Variants in SLC18A3 observed in about 807,000 individuals in gnomAD.
SLC18A3 encodes solute carrier family 18 member A3.
Under a neutral mutation model 24.2 loss-of-function variants are expected in SLC18A3, and 18 were observed. The ratio of observed to expected loss-of-function variants is 0.74; its 90% CI spans 0.51 to 1.10. The LOEUF (loss-of-function observed/expected upper bound fraction) is 1.10. Ranked by LOEUF, SLC18A3 falls within the 50% of genes least tolerant of loss-of-function variation. The probability of loss-of-function intolerance (pLI) is 0.00; values close to 1 mark genes in which losing one functional copy is unlikely to be tolerated. For missense variants in SLC18A3, 744 were observed against 750.7 expected, an observed-to-expected ratio of 0.99 and a Z score of 0.10; for synonymous variants, 415 against 355.4, an observed-to-expected ratio of 1.17 and a Z score of -1.89.
chr10:49,611,362 C>T lies in SLC18A3; in HGVS notation c.622C>T (p.Pro208Ser), dbSNP rs779469059. 1.2e-6 allele frequency: 2 copies of T among 1,600,420 alleles called. No homozygotes were observed. The highest frequency in any genetic ancestry group is 4.5e-5 in the East Asian group (2 of 44,848). Residue 208 changes from proline (P) to serine (S), a missense_variant, in exon 1 of 1, where the codon CCG becomes TCG. Pro to Ser is a moderately conservative substitution (Grantham distance 74). Transcript: ENST00000374115. Reference protein sequence around the residue: ...AMIADKYPEEPERSRALGVAL... With the variant: ...AMIADKYPEESERSRALGVAL... ...GATCGCCGATAAGTACCCGGAGGAG[C>T]CGGAGCGCAGTCGTGCACTGGGCGT...
Position 49,610,769 on chromosome 10 carries a change from C to A in SLC18A3, c.29C>A (p.Ala10Asp). The change falls in exon 1 of 1, where the codon GCC becomes GAC. Residue 10 changes from alanine (A) to aspartate (D), a missense_variant. Coordinates refer to ENST00000374115, the MANE Select transcript of SLC18A3 (RefSeq NM_003055.3). MESAEPAGQ[A>D]RAAATKLSEA... Reference sequence around the variant, plus strand: ...GAATCCGCGGAACCTGCGGGCCAGGCCCGGGCGGCGGCCACCAAGCTGTCG... The same window carrying A: ...GAATCCGCGGAACCTGCGGGCCAGGACCGGGCGGCGGCCACCAAGCTGTCG... The A allele has an allele frequency of 6.4e-7, 1 of 1,556,390 alleles. No homozygotes were observed. The highest frequency in any genetic ancestry group is 8.7e-7 in the Non-Finnish European group (1 of 1,152,978).
In SLC18A3 at chr10:49,611,776, G is replaced by C. The variant is rs1344037560; in HGVS notation, c.1036G>C (p.Val346Leu). The C allele has an allele frequency of 6.2e-7, 1 of 1,603,052 alleles. No individual in the cohort carries two copies. Among genetic ancestry groups the C allele is most frequent in the South Asian group, 1.1e-5 (1 of 91,056 alleles). ...TCATGTGCTGGGCGTCTACCTCACCGTGCGCCTGGCGGCGCGCTACCCACA... is the reference window on the plus strand; with the variant it reads ...TCATGTGCTGGGCGTCTACCTCACCCTGCGCCTGGCGGCGCGCTACCCACA... ...VPHVLGVYLT[V>L]RLAARYPHLQ... Residue 346 changes from valine (V) to leucine (L), a missense_variant, in exon 1 of 1, where the codon GTG becomes CTG. Coordinates refer to ENST00000374115, the MANE Select transcript of SLC18A3 (RefSeq NM_003055.3).
Position 49,612,572 on chromosome 10 carries a change from A to T in SLC18A3, c.*233A>T, listed in dbSNP as rs927488351. On this transcript the variant is annotated 3_prime_UTR_variant, in exon 1 of 1. Coordinates refer to ENST00000374115, the MANE Select transcript of SLC18A3 (RefSeq NM_003055.3). Reference sequence around the variant, plus strand: ...AGCGAAGCCATCGCGCTCCTTGCGGAGGTGAAGAGGACCCTGAGTCCCCAC... The same window carrying T: ...AGCGAAGCCATCGCGCTCCTTGCGGTGGTGAAGAGGACCCTGAGTCCCCAC... 1.9e-6 allele frequency: 1 copy of T among 532,018 alleles called. No homozygotes were observed. Among genetic ancestry groups the T allele is most frequent in the Admixed American group, 3.7e-5 (1 of 27,364 alleles). 33.0% of individuals were successfully genotyped at this position (532,018 alleles called of 1,614,324 possible). A position where few individuals can be genotyped will look rare whatever the true frequency, so the allele number is the denominator to read the frequency against.
At position 49,610,944 on chromosome 10, in the gene SLC18A3, C is replaced by A. The variant is rs1412477833; in HGVS notation, c.204C>A (p.Gly68=). ...ACATCGCCCACATGCGCGGGGGCGG[C>A]GAGGGCCCCACCCGGACTCCCGAGG... ...PDYIAHMRGG[G]EGPTRTPEVW... is the part of the protein sequence containing the mutation. Residue 68 remains glycine, a synonymous_variant, in exon 1 of 1, where the codon GGC becomes GGA. Coordinates refer to ENST00000374115, the MANE Select transcript of SLC18A3 (RefSeq NM_003055.3). 1 of 1,610,366 alleles carries A rather than the reference C, an allele frequency of 6.2e-7. No individual in the cohort carries two copies.
chr10:49,611,420 T>C lies in SLC18A3; in HGVS notation c.680T>C (p.Val227Ala), dbSNP rs758934192. 63 of 1,597,842 alleles carry C rather than the reference T, an allele frequency of 3.9e-5. No individual in the cohort carries two copies. Among genetic ancestry groups the C allele is most frequent in the Middle Eastern group, 3.3e-4 (2 of 6,056 alleles). ...GCCTTCATTAGCTTCGGAAGCCTAG[T>C]GGCCCCGCCCTTCGGGGGCATCCTC... ...ALAFISFGSL[V>A]APPFGGILYE... The change falls in exon 1 of 1, where the codon GTG becomes GCG. Residue 227 changes from valine (V) to alanine (A), a missense_variant. By Grantham distance (64) the Val-to-Ala change is moderately conservative (BLOSUM62 0). This residue lies in a region of SLC18A3 where 566 missense variants were observed against 566.2 expected (regional missense o/e 1.00). Coordinates refer to ENST00000374115, the MANE Select transcript of SLC18A3 (RefSeq NM_003055.3).
Position 49,612,211 on chromosome 10 carries a change from CAAGGTCT to C in SLC18A3, c.1472_1478del (p.Gln491ArgfsTer92), listed in dbSNP as rs1314231947. The C allele has an allele frequency of 6.2e-7, 1 of 1,609,252 alleles. No individual in the cohort carries two copies. The highest frequency in any genetic ancestry group is 8.5e-7 in the Non-Finnish European group (1 of 1,180,010). On this transcript the variant is annotated frameshift_variant, in exon 1 of 1. Coordinates refer to ENST00000374115, the MANE Select transcript of SLC18A3 (RefSeq NM_003055.3). LOFTEE classifies it high-confidence loss of function. ...CGATGTGCTGCTTGATGAGCCACCG[CAAGGTCT>C]GTACGATGCGGTGCGCCTGCGTGAG...
Position 49,610,729 on chromosome 10 carries a change from C to T in SLC18A3, c.-12C>T. ...GGCGGAGGCGTCCTCGGAAGAGCAT[C>T]GGGGTGGGGGCATGGAATCCGCGGA... On this transcript the variant is annotated 5_prime_UTR_variant, in exon 1 of 1. Coordinates refer to ENST00000374115, the MANE Select transcript of SLC18A3 (RefSeq NM_003055.3). The T allele has an allele frequency of 1.3e-6, 2 of 1,490,794 alleles. No individual in the cohort carries two copies. The highest frequency in any genetic ancestry group is 1.8e-6 in the Non-Finnish European group (2 of 1,124,758). 92.3% of individuals were successfully genotyped at this position (1,490,794 alleles called of 1,614,324 possible).
chr10:49,611,558 G>C lies in SLC18A3; in HGVS notation c.818G>C (p.Arg273Pro), dbSNP rs1258597013. 1 of 1,605,106 alleles carries C rather than the reference G, an allele frequency of 6.2e-7. No individual in the cohort carries two copies. Residue 273 changes from arginine (R) to proline (P), a missense_variant, in exon 1 of 1, where the codon CGG (arginine) becomes CCG (proline). Physicochemically the swap from Arg to Pro is moderately radical, Grantham distance 103 (BLOSUM62 -2). Coordinates refer to ENST00000374115, the MANE Select transcript of SLC18A3 (RefSeq NM_003055.3). Reference sequence around the variant, plus strand: ...CCCTTCTCGGCGGCTGCACGGGCTCGGGCCAACCTGCCAGTGGGCACTCCC... The same window carrying C: ...CCCTTCTCGGCGGCTGCACGGGCTCCGGCCAACCTGCCAGTGGGCACTCCC... ...AKPFSAAARARANLPVGTPIH... is the reference protein window; with the variant it reads ...AKPFSAAARAPANLPVGTPIH...
rs759917362 is a variant in SLC18A3, at chr10:49,611,609, A to G, written c.869A>G (p.Tyr290Cys). ...TPIHRLMLDP[Y>C]IAVVAGALTT... is the part of the protein sequence containing the mutation. ...ATCCACCGCCTCATGCTAGACCCCT[A>G]CATTGCCGTGGTGGCCGGCGCGCTC... Residue 290 changes from tyrosine to cysteine, a missense_variant, in exon 1 of 1, where the codon TAC becomes TGC. Tyr to Cys is a radical substitution (Grantham distance 194). Transcript: ENST00000374115. The G allele has an allele frequency of 1.2e-6, 2 of 1,611,062 alleles. No individual in the cohort carries two copies. The highest frequency in any genetic ancestry group is 4.5e-5 in the East Asian group (2 of 44,864).
At position 49,610,983 on chromosome 10, in the gene SLC18A3, C is replaced by A; in HGVS notation, c.243C>A (p.Thr81=). ...PTRTPEVWEP[T]LPLPTPANAS... ...GGACTCCCGAGGTGTGGGAGCCCAC[C>A]CTGCCGCTGCCCACTCCGGCCAATG... Residue 81 remains threonine (T), a synonymous_variant, in exon 1 of 1, where the codon ACC becomes ACA. Coordinates refer to ENST00000374115, the MANE Select transcript of SLC18A3 (RefSeq NM_003055.3). The A allele has an allele frequency of 6.2e-7, 1 of 1,611,984 alleles. No homozygotes were observed. Among genetic ancestry groups the A allele is most frequent in the Non-Finnish European group, 8.5e-7 (1 of 1,178,702 alleles).
Position 49,612,326 on chromosome 10 carries a change from A to G in SLC18A3, c.1586A>G (p.Tyr529Cys), listed in dbSNP as rs1319543206. 1.3e-6 allele frequency: 2 copies of G among 1,589,128 alleles called. No individual in the cohort carries two copies. Among genetic ancestry groups the G allele is most frequent in the African/African-American group, 1.3e-5 (1 of 74,232 alleles). Residue 529 changes from tyrosine (Y) to cysteine (C), a missense_variant, in exon 1 of 1, where the codon TAC becomes TGC. By Grantham distance (194) the Tyr-to-Cys change is radical. This residue lies in a region of SLC18A3 where 160 missense variants were observed against 140.9 expected (regional missense o/e 1.14). Coordinates refer to ENST00000374115, the MANE Select transcript of SLC18A3 (RefSeq NM_003055.3). Reference protein sequence around the residue: ...DACEDDYNYYYTRS With the variant: ...DACEDDYNYYCTRS ...TGCGAGGACGACTACAACTACTACT[A>G]CACCCGCAGCTAGCATCCCCACTCC...
rs1262691750 is a variant in SLC18A3, at chr10:49,611,744, T to G, written c.1004T>G (p.Phe335Cys). 9.3e-6 allele frequency: 15 copies of G among 1,604,578 alleles called. No homozygotes were observed. Among genetic ancestry groups the G allele is most frequent in the Non-Finnish European group, 1.3e-5 (15 of 1,179,918 alleles). Residue 335 changes from phenylalanine (F) to cysteine (C), a missense_variant, in exon 1 of 1, where the codon TTC becomes TGC. Phe to Cys is a radical substitution (Grantham distance 205, BLOSUM62 -2). Around this residue, in one of 3 missense-constraint regions of SLC18A3, gnomAD observed 566 missense variants for 566.2 expected, o/e 1.00. Transcript: ENST00000374115. ...ATGGGCATGGCCTGGCTGCCGGCCT[T>G]CGTGCCTCATGTGCTGGGCGTCTAC... Reference protein sequence around the residue: ...WEMGMAWLPAFVPHVLGVYLT... With the variant: ...WEMGMAWLPACVPHVLGVYLT...
Position 49,611,153 on chromosome 10 carries a change from T to C in SLC18A3, c.413T>C (p.Val138Ala), listed in dbSNP as rs572420161. The C allele has an allele frequency of 5.6e-6, 9 of 1,614,170 alleles. No individual in the cohort carries two copies. In the Admixed American group the frequency reaches 1.5e-4, roughly 27 times the overall value. ...FASKAILQLLVNPLSGPFIDR... is the reference protein window; with the variant it reads ...FASKAILQLLANPLSGPFIDR... ...TCCAAGGCTATCCTGCAGCTGCTAG[T>C]GAACCCCTTGAGCGGGCCCTTCATC... is the stretch of plus-strand genomic sequence containing the variant. The change falls in exon 1 of 1, where the codon GTG becomes GCG. Residue 138 changes from valine to alanine, a missense_variant. Val to Ala is a moderately conservative substitution (Grantham distance 64, BLOSUM62 0). Transcript: ENST00000374115.
At position 49,611,498 on chromosome 10, in the gene SLC18A3, T is replaced by C. The variant is rs776326514; in HGVS notation, c.758T>C (p.Leu253Pro). The C allele has an allele frequency of 1.9e-5, 30 of 1,600,458 alleles. No homozygotes were observed. Among genetic ancestry groups the C allele is most frequent in the Non-Finnish European group, 2.5e-5 (30 of 1,179,866 alleles). ...VPFLVLAAVS[L>P]FDALLLLAVA... is the part of the protein sequence containing the mutation. ...TTCTTGGTGCTAGCTGCCGTGTCGC[T>C]CTTTGACGCGCTGTTGCTGCTGGCA... Residue 253 changes from leucine (L) to proline (P), a missense_variant, in exon 1 of 1, where the codon CTC becomes CCC. By Grantham distance (98) the Leu-to-Pro change is moderately conservative. This residue lies in a region of SLC18A3 where 566 missense variants were observed against 566.2 expected (regional missense o/e 1.00). Transcript: ENST00000374115.
rs1838294369 is a variant in SLC18A3 at position 49,611,478 on chromosome 10, G to C, written c.738G>C (p.Leu246Phe). Reference sequence around the variant, plus strand: ...TCGCCGGCAAGCGCGTGCCCTTCTTGGTGCTAGCTGCCGTGTCGCTCTTTG... The same window carrying C: ...TCGCCGGCAAGCGCGTGCCCTTCTTCGTGCTAGCTGCCGTGTCGCTCTTTG... Reference protein sequence around the residue: ...YEFAGKRVPFLVLAAVSLFDA... With the variant: ...YEFAGKRVPFFVLAAVSLFDA... Residue 246 changes from leucine (L) to phenylalanine (F), a missense_variant, in exon 1 of 1, where the codon TTG becomes TTC. Around this residue, in one of 3 missense-constraint regions of SLC18A3, gnomAD observed 566 missense variants for 566.2 expected, o/e 1.00. Transcript: ENST00000374115. 4.4e-6 allele frequency: 7 copies of C among 1,599,602 alleles called. No individual in the cohort carries two copies. The highest frequency in any genetic ancestry group is 5.9e-6 in the Non-Finnish European group (7 of 1,179,762).
rs774445891 is a variant in SLC18A3, at chr10:49,611,194, G to T, written c.454G>T (p.Asp152Tyr). The change falls in exon 1 of 1, where the codon GAC becomes TAC. Residue 152 changes from aspartate to tyrosine, a missense_variant. By Grantham distance (160) the Asp-to-Tyr change is radical (BLOSUM62 -3). Coordinates refer to ENST00000374115, the MANE Select transcript of SLC18A3 (RefSeq NM_003055.3). ...GCCCTTCATCGACCGCATGAGCTAC[G>T]ACGTGCCGCTGCTGATCGGCCTGGG... ...SGPFIDRMSYDVPLLIGLGVM... is the reference protein window; with the variant it reads ...SGPFIDRMSYYVPLLIGLGVM... 1 of 1,614,092 alleles carries T rather than the reference G, an allele frequency of 6.2e-7. No individual in the cohort carries two copies. The highest frequency in any genetic ancestry group is 1.7e-5 in the Admixed American group (1 of 60,038).
Position 49,611,247 on chromosome 10 carries a change from C to T in SLC18A3, c.507C>T (p.Phe169=), listed in dbSNP as rs765165683. 3.1e-6 allele frequency: 5 copies of T among 1,613,414 alleles called. No homozygotes were observed. The highest frequency in any genetic ancestry group is 1.3e-5 in the African/African-American group (1 of 75,062). ...TCATGTTCGCCTCTACAGTCCTGTTCGCCTTCGCCGAGGACTACGCCACGC... is the reference window on the plus strand; with the variant it reads ...TCATGTTCGCCTCTACAGTCCTGTTTGCCTTCGCCGAGGACTACGCCACGC... ...LGVMFASTVL[F]AFAEDYATLF... The change falls in exon 1 of 1, where the codon TTC becomes TTT. Residue 169 remains phenylalanine (F), a synonymous_variant. Transcript: ENST00000374115.
At position 49,611,313 on chromosome 10, in the gene SLC18A3, C is replaced by T; in HGVS notation, c.573C>T (p.Phe191=). The T allele has an allele frequency of 6.2e-7, 1 of 1,606,016 alleles. No homozygotes were observed. The highest frequency in any genetic ancestry group is 8.5e-7 in the Non-Finnish European group (1 of 1,179,888). Residue 191 remains phenylalanine (F), a synonymous_variant, in exon 1 of 1, where the codon TTC becomes TTT. Transcript: ENST00000374115. ...GCCTGCAGGGCCTGGGCTCAGCCTT[C>T]GCCGACACGTCTGGCATAGCCATGA... ...ARSLQGLGSA[F]ADTSGIAMIA... is the part of the protein sequence containing the mutation.
chr10:49,612,110 T>C lies in SLC18A3; in HGVS notation c.1370T>C (p.Leu457Pro), dbSNP rs1350716157. The C allele has an allele frequency of 6.2e-7, 1 of 1,612,626 alleles. No homozygotes were observed. Among genetic ancestry groups the C allele is most frequent in the Non-Finnish European group, 8.5e-7 (1 of 1,179,352 alleles). The change falls in exon 1 of 1, where the codon CTG (leucine) becomes CCG (proline). Residue 457 changes from leucine (L) to proline (P), a missense_variant. Physicochemically the swap from Leu to Pro is moderately conservative, Grantham distance 98. This residue lies in a region of SLC18A3 where 160 missense variants were observed against 140.9 expected (regional missense o/e 1.14). Transcript: ENST00000374115. ...GAGCAGCTCAGCCTTGGCATGGGACTGGCCAACCTGCTCTATGCTCCCGTC... is the reference window on the plus strand; with the variant it reads ...GAGCAGCTCAGCCTTGGCATGGGACCGGCCAACCTGCTCTATGCTCCCGTC... ...GFEQLSLGMG[L>P]ANLLYAPVLL... is the part of the protein sequence containing the mutation.
Sources: allele counts gnomAD v4.1 joint callset, GRCh38; gene constraint gnomAD v4.1.1; regional missense constraint gnomAD v4.1.1; transcripts MANE v1.5; gene names NCBI Gene and HGNC (gene_info 2026-07-23, HGNC 2026-07-21).